The following DAPK2 variants were observed in gnomAD, a reference collection of about 807,000 sequenced individuals.
The protein encoded by DAPK2 is death associated protein kinase 2, also known as death-associated protein kinase 2.
In DAPK2, 35 loss-of-function variants were observed where a neutral mutation model predicts 44.1. The observed-to-expected ratio is 0.79, with a 90% CI of 0.61 to 1.05. The LOEUF is 1.05. DAPK2 is among the 50% of genes least tolerant of loss of function. The pLI, the probability that DAPK2 is intolerant of heterozygous loss-of-function variation, is 0.00. For synonymous variants in DAPK2, 174 were observed against 182.6 expected (o/e 0.95, Z 0.38); for missense variants, 453 against 483.2 (o/e 0.94, Z 0.59).
intron 2 of DAPK2, 77 bp downstream of exon 3, chr15:63,983,456 G>A (rs971028717): frequency 2.7e-5 from 37 of 1,386,448 alleles, no homozygotes; most frequent in Non-Finnish European, 1.9e-5. Flanking sequence ...GCCCCCTGGG[G>A]CCTGTGGCTG....
At chr15:63,933,126 G>A (rs953365138) in intron 4 of DAPK2, among the ~76,000 whole-genome samples, 2 of 152,244 alleles carry the variant, frequency 1.3e-5, no homozygotes, top group Admixed American at 6.5e-5. Flanking sequence ...TCCACAGACT[G>A]TCACTGGTCC....
intron 1 of DAPK2, among the ~76,000 whole-genome samples, chr15:64,023,898 G>C (rs2079761767): frequency 6.6e-6 from 1 of 152,188 alleles, no homozygotes; most frequent in African/African-American, 2.4e-5. Context: ...ATGGCTTTTT[G>C]TTTAAGAAAA....
Position 63,939,240 on chromosome 15 carries a change from T to A in DAPK2, c.575A>T (p.Glu192Val). ...ACAGGCCTACAACTCACCAACAAAT[T>A]CCGGCGTCCCAAAAATATTCTTAAA... Residue 192 changes from glutamate (E) to valine (V), a missense_variant, in exon 4 of 11, where the codon GAA becomes GTA. Physicochemically the swap from Glu to Val is moderately radical, Grantham distance 121. Coordinates refer to ENST00000261891, the Ensembl canonical transcript of DAPK2. The surrounding 1 kb of genome is among the most constrained non-coding windows in gnomAD (Gnocchi z 4.3). The A allele has an allele frequency of 6.2e-7, 1 of 1,613,618 alleles. No homozygotes were observed. The highest frequency in any genetic ancestry group is 1.1e-5 in the South Asian group (1 of 91,002).
chr15:64,031,201 T>C (rs1379827652), intron 1 of DAPK2, among the ~76,000 whole-genome samples: 6 of 152,032 alleles, frequency 3.9e-5, no homozygotes, highest in Non-Finnish European at 7.4e-5. Context: ...GGGCAGGAAG[T>C]ACTCAGCACA....
At chr15:64,037,896 C>T (rs1424413009) in intron 1 of DAPK2, among the ~76,000 whole-genome samples, 1 of 152,174 alleles carries the variant, frequency 6.6e-6, no homozygotes, top group Non-Finnish European at 1.5e-5. Flanking sequence ...CTGCTGCTTA[C>T]TCACCTTTTG....
Position 63,923,477 on chromosome 15 carries a change from G to C in DAPK2, c.858+1339C>G, listed in dbSNP as rs903349658. ...ATGCGTCAGGCCATGGGGAGAACCAGGGTGGGATGAGCACCTCCTTAGGCC... is the reference window on the plus strand; with the variant it reads ...ATGCGTCAGGCCATGGGGAGAACCACGGTGGGATGAGCACCTCCTTAGGCC... On this transcript the variant is annotated intron_variant, in intron 8 of 10. Transcript: ENST00000261891. This position sits in a 1 kb window ranked among gnomAD's most constrained non-coding sequence, Gnocchi z 4.2. 3.1e-5 allele frequency: 44 copies of C among 1,437,898 alleles called. No homozygotes were observed. The highest frequency in any genetic ancestry group is 3.8e-5 in the Non-Finnish European group (42 of 1,096,744). 89.1% of individuals were successfully genotyped at this position (1,437,898 alleles called of 1,614,324 possible).
Position 64,020,871 on chromosome 15 carries a change from C to T in DAPK2, c.92+19299G>A, listed in dbSNP as rs2079660945. ...GGGCAAAGGACCTGGAGTGCAAAGA[C>T]CCACATTCAGGTCTCACTTCTGCCA... is the stretch of plus-strand genomic sequence containing the variant. On this transcript the variant is annotated intron_variant, in intron 1 of 10. Transcript: ENST00000261891. This position sits in a 1 kb window ranked among gnomAD's most constrained non-coding sequence, Gnocchi z 4.5. 1.3e-5 allele frequency among the ~76,000 whole-genome samples: 2 copies of T among 152,206 alleles called. No individual in the cohort carries two copies. The highest frequency in any genetic ancestry group is 2.1e-4 in the South Asian group (1 of 4,834).
chr15:63,983,954 T>C (rs1231741096), intron 1 of DAPK2, among the ~76,000 whole-genome samples, 200 bp from the exon 3 acceptor site: 1 of 152,150 alleles, frequency 6.6e-6, no homozygotes, highest in African/African-American at 2.4e-5. Context: ...GTCCATTCCT[T>C]CTATGAGGAA....
chr15:63,993,787 T>C (rs1286483623), intron 1 of DAPK2, among the ~76,000 whole-genome samples: 1 of 152,132 alleles, frequency 6.6e-6, no homozygotes, highest in East Asian at 1.9e-4. Context: ...TGGACCAAGA[T>C]ATCTCTTTCA....
chr15:64,009,695 C>T (rs552745462), intron 1 of DAPK2, among the ~76,000 whole-genome samples: 1 of 152,240 alleles, frequency 6.6e-6, no homozygotes, highest in Non-Finnish European at 1.5e-5. Context: ...AATATGTTAG[C>T]TCCTAAAGTT....
At chr15:63,998,270 G>A (rs950818940) in intron 1 of DAPK2, among the ~76,000 whole-genome samples, 1 of 152,160 alleles carries the variant, frequency 6.6e-6, no homozygotes, top group East Asian at 1.9e-4. Context: ...CGTCCTCAGG[G>A]AAACAGGCCC....
intron 3 of DAPK2, among the ~76,000 whole-genome samples, chr15:63,943,164 C>T (rs2077360695): frequency 6.6e-6 from 1 of 151,882 alleles, no homozygotes; most frequent in Non-Finnish European, 1.5e-5. Flanking sequence ...TGGCTCATGC[C>T]TGTAACCCCA....
chr15:64,023,356 T>C (rs1320244175), intron 1 of DAPK2, among the ~76,000 whole-genome samples: 4 of 152,026 alleles, frequency 2.6e-5, no homozygotes, highest in African/African-American at 9.7e-5. Context: ...CACCTATTAG[T>C]GGGAAGTAAA....
At position 63,990,260 on chromosome 15, in the gene DAPK2, C is replaced by T. The variant is rs576414907; in HGVS notation, c.93-6506G>A. 3.2e-4 allele frequency among the ~76,000 whole-genome samples: 49 copies of T among 152,068 alleles called. No homozygotes were observed. Among genetic ancestry groups the T allele is most frequent in the African/African-American group, 1.1e-3 (45 of 41,492 alleles). ...CTGGGCCAACAGGACAAAACCCCAT[C>T]TCTCCTAAAAATACAAAAATTAGCT... is the stretch of plus-strand genomic sequence containing the variant. On this transcript the variant is annotated intron_variant, in intron 1 of 10. Transcript: ENST00000261891. This position sits in a 1 kb window ranked among gnomAD's most constrained non-coding sequence, Gnocchi z 4.3.
intron 1 of DAPK2, among the ~76,000 whole-genome samples, chr15:64,022,057 A>C (rs1221201974): frequency 6.6e-6 from 1 of 152,198 alleles, no homozygotes; most frequent in Non-Finnish European, 1.5e-5. Flanking sequence ...GGAAGCACTT[A>C]CCTTGCAAAG....
At position 63,912,125 on chromosome 15, in the gene DAPK2, C is replaced by T. The variant is rs761897052; in HGVS notation, c.931G>A (p.Val311Ile). The T allele has an allele frequency of 1.2e-6, 2 of 1,613,682 alleles. No individual in the cohort carries two copies. The highest frequency in any genetic ancestry group is 1.7e-6 in the Non-Finnish European group (2 of 1,179,938). ...GGACACACCTTCCACCGCCTGCGGACATACTGCTTCCTGAAGTTCTCCAGA... is the reference window on the plus strand; with the variant it reads ...GGACACACCTTCCACCGCCTGCGGATATACTGCTTCCTGAAGTTCTCCAGA... Residue 311 changes from valine to isoleucine, a missense_variant, in exon 9 of 11, where the codon GTC becomes ATC. Transcript: ENST00000261891. The surrounding 1 kb of genome is among the most constrained non-coding windows in gnomAD (Gnocchi z 4.4).
chr15:64,011,561 C>T lies in DAPK2; in HGVS notation c.93-27807G>A, dbSNP rs192608076. ...GGAAGTGTTTAGGAGAAAAACAACG[C>T]TACAGCCTTATACACTCCAGGTTGA... On this transcript the variant is annotated intron_variant, in intron 1 of 10. Coordinates refer to ENST00000261891, the Ensembl canonical transcript of DAPK2. 1.3e-3 allele frequency among the ~76,000 whole-genome samples: 197 copies of T among 152,290 alleles called. 1 individual carries two copies. Among genetic ancestry groups the T allele is most frequent in the African/African-American group, 4.6e-3 (192 of 41,556 alleles).
chr15:63,992,588 G>A (rs2078848801), intron 1 of DAPK2, among the ~76,000 whole-genome samples: 2 of 152,198 alleles, frequency 1.3e-5, no homozygotes, highest in African/African-American at 4.8e-5. Context: ...GGCAGGGAGT[G>A]ATACACAAGC....
At chr15:63,977,035 A>G (rs2078370799) in intron 2 of DAPK2, among the ~76,000 whole-genome samples, 2 of 152,218 alleles carry the variant, frequency 1.3e-5, no homozygotes, top group Admixed American at 1.3e-4. Flanking sequence ...AGTCTAATCC[A>G]GACTGTGAAA....
Sources: allele counts gnomAD v4.1 joint callset (sites outside exome capture counted in the v4.1 genomes callset), GRCh38; gene constraint gnomAD v4.1.1; non-coding constraint Gnocchi (gnomAD v3.1); transcripts MANE v1.5; gene names NCBI Gene and HGNC (gene_info 2026-07-23, HGNC 2026-07-21).